NRIP1: variants seen among roughly 807,000 people sequenced by gnomAD.
NRIP1 encodes the protein nuclear receptor-interacting protein 1.
Under a neutral mutation model 75.0 loss-of-function variants are expected in NRIP1, and 28 were observed. That is an observed-to-expected ratio of 0.37 (90% CI 0.28 to 0.51). The LOEUF (loss-of-function observed/expected upper bound fraction) is 0.51, where lower values mean the gene tolerates loss of function less well. NRIP1 is among the 20% of genes least tolerant of loss of function. The pLI, the probability that NRIP1 is intolerant of heterozygous loss-of-function variation, is 0.92. For missense variants in NRIP1, 1,435 were observed against 1,343.7 expected, an observed-to-expected ratio of 1.07 and a Z score of -1.06; for synonymous variants, 526 against 487.6, an observed-to-expected ratio of 1.08 and a Z score of -1.04.
chr21:15,018,989 A>G (rs1293645575), intron 2 of NRIP1, among the ~76,000 whole-genome samples: 2 of 151,730 alleles, frequency 1.3e-5, no homozygotes, highest in Non-Finnish European at 2.9e-5. Flanking sequence ...CCTCTTCCCT[A>G]TGTGTAGTTT....
rs914617978 is a variant in NRIP1, at chr21:14,976,660, C to T, written c.-334-8134G>A. 1.1e-4 allele frequency among the ~76,000 whole-genome samples: 17 copies of T among 152,218 alleles called. 1 individual carries two copies. The South Asian group carries it at 3.1e-3, about 28-fold the overall frequency. ...TTAAACAAAGGGAAACTTTGTGGAA[C>T]TTCTACACACTTTAAAATGATAAAA... On this transcript the variant is annotated intron_variant, in intron 3 of 3. Coordinates refer to ENST00000318948, the MANE Select transcript of NRIP1 (RefSeq NM_003489.4).
intron 3 of NRIP1, among the ~76,000 whole-genome samples, chr21:14,973,799 C>T (rs1198397034): frequency 6.6e-6 from 1 of 151,396 alleles, no homozygotes; most frequent in Non-Finnish European, 1.5e-5. Flanking sequence ...ACCTCAGTCT[C>T]CCAAGCAGCC....
At position 14,966,944 on chromosome 21, in the gene NRIP1, A is replaced by T; in HGVS notation, c.1249T>A (p.Tyr417Asn). 6.2e-7 allele frequency: 1 copy of T among 1,614,158 alleles called. No individual in the cohort carries two copies. Among genetic ancestry groups the T allele is most frequent in the Non-Finnish European group, 8.5e-7 (1 of 1,180,016 alleles). ...GTAAAACTAGGATTGTTATCTGAAT[A>T]TTCATCAATAGTTGTAGGTGTACTA... ...ESSTPTTIDE[Y>N]SDNNPSFTDD... Residue 417 changes from tyrosine (Y) to asparagine (N), a missense_variant, in exon 4 of 4, where the codon TAT (tyrosine) becomes AAT (asparagine). Tyr to Asn is a moderately radical substitution (Grantham distance 143). Coordinates refer to ENST00000318948, the MANE Select transcript of NRIP1 (RefSeq NM_003489.4).
intron 3 of NRIP1, among the ~76,000 whole-genome samples, chr21:14,996,998 A>C (rs2087747050): frequency 3.3e-5 from 5 of 152,128 alleles, no homozygotes; most frequent in Middle Eastern, 3.4e-3. Flanking sequence ...CTTCACTTAA[A>C]CTCAAATCAA....
At chr21:15,058,223 T>C (rs1397637549) in intron 1 of NRIP1, among the ~76,000 whole-genome samples, 2 of 152,162 alleles carry the variant, frequency 1.3e-5, no homozygotes, top group Admixed American at 6.5e-5. Context: ...ATAACAGGAA[T>C]ACTATTTTTT....
chr21:15,022,732 GC>G (rs1432904825), intron 2 of NRIP1, among the ~76,000 whole-genome samples: 3 of 152,250 alleles, frequency 2.0e-5, no homozygotes, highest in Admixed American at 1.3e-4. Flanking sequence ...ATGCAGTGTA[GC>G]CACTAAGGGG....
At chr21:15,033,084 G>C (rs949877352) in intron 2 of NRIP1, among the ~76,000 whole-genome samples, 2 of 151,946 alleles carry the variant, frequency 1.3e-5, no homozygotes, top group Admixed American at 6.6e-5. Flanking sequence ...AATTAGCTGG[G>C]CATGGTGGTG....
At chr21:15,036,307 A>G (rs1208945137) in intron 2 of NRIP1, among the ~76,000 whole-genome samples, 1 of 152,214 alleles carries the variant, frequency 6.6e-6, no homozygotes, top group Non-Finnish European at 1.5e-5. Context: ...CCAATTGCAC[A>G]TCATATTTTG....
At chr21:15,008,680 A>G (rs1257852697) in intron 3 of NRIP1, among the ~76,000 whole-genome samples, 9 of 152,180 alleles carry the variant, frequency 5.9e-5, no homozygotes, top group Non-Finnish European at 1.0e-4. Context: ...CAAGGTTAAC[A>G]TTATTGGAAT....
At position 14,991,791 on chromosome 21, in the gene NRIP1, T is replaced by C. The variant is rs564200336; in HGVS notation, c.-335+22553A>G. On this transcript the variant is annotated intron_variant, in intron 3 of 3. Transcript: ENST00000318948. ...GAAATAAAAGGAAGCAAGGTCACTG[T>C]TCCATTCATTTTCCCCACAATATTA... is the stretch of plus-strand genomic sequence containing the variant. Among the ~76,000 whole-genome samples, 6 of 152,314 alleles carry C rather than the reference T, an allele frequency of 3.9e-5. No homozygotes were observed. The South Asian group carries it at 1.0e-3, about 26-fold the overall frequency.
intron 2 of NRIP1, among the ~76,000 whole-genome samples, chr21:15,021,854 G>T (rs1466557499): frequency 2.6e-5 from 4 of 152,150 alleles, no homozygotes; most frequent in African/African-American, 9.7e-5. Flanking sequence ...ACCATCTCAT[G>T]CCTGTCAGAA....
intron 2 of NRIP1, among the ~76,000 whole-genome samples, chr21:15,036,852 C>T (rs1021279004): frequency 6.6e-6 from 1 of 151,978 alleles, no homozygotes; most frequent in South Asian, 2.1e-4. Flanking sequence ...ATATACTTTA[C>T]CCCAATGTGA....
chr21:15,014,791 A>G (rs1018337652), intron 2 of NRIP1, among the ~76,000 whole-genome samples: 1 of 151,870 alleles, frequency 6.6e-6, no homozygotes. Flanking sequence ...TAATTTACAT[A>G]CAAAAAATTA....
chr21:15,009,208 GAA>G (rs2088044316), intron 3 of NRIP1, among the ~76,000 whole-genome samples: 1 of 152,126 alleles, frequency 6.6e-6, no homozygotes, highest in Admixed American at 6.5e-5. Context: ...AGAAAAGAAA[GAA>G]CTTTCTAAAA....
At chr21:15,053,168 T>G (rs546111662) in intron 1 of NRIP1, among the ~76,000 whole-genome samples, 4 of 152,288 alleles carry the variant, frequency 2.6e-5, no homozygotes, top group African/African-American at 7.2e-5. Flanking sequence ...TTTAGAGTAC[T>G]GCCAAAACAA....
intron 3 of NRIP1, among the ~76,000 whole-genome samples, chr21:14,980,758 A>G (rs1351464640): frequency 6.6e-6 from 1 of 152,090 alleles, no homozygotes; most frequent in African/African-American, 2.4e-5. Flanking sequence ...CAAACTACTT[A>G]TGCTATATGT....
intron 3 of NRIP1, among the ~76,000 whole-genome samples, chr21:14,981,299 T>C (rs1198118991): frequency 6.6e-6 from 1 of 152,262 alleles, no homozygotes; most frequent in Non-Finnish European, 1.5e-5. Context: ...CTGCGGTGCG[T>C]GCTTTACCCT....
intron 3 of NRIP1, among the ~76,000 whole-genome samples, chr21:14,970,500 C>T (rs563767012): frequency 2.0e-5 from 3 of 152,140 alleles, no homozygotes; most frequent in Non-Finnish European, 2.9e-5. Flanking sequence ...GAGCCGAGAT[C>T]GTGCCACTGC....
chr21:15,064,389 G>A (rs1190448867), intron 1 of NRIP1, among the ~76,000 whole-genome samples: 4 of 152,196 alleles, frequency 2.6e-5, no homozygotes, highest in Non-Finnish European at 5.9e-5. Context: ...GGTGCCCGGG[G>A]TTCGGGACCG....
Sources: gnomAD v4.1 joint callset for allele counts (sites outside exome capture counted in the v4.1 genomes callset) on GRCh38, gnomAD v4.1.1 for gene constraint, MANE v1.5 for transcripts, NCBI Gene and HGNC (gene_info 2026-07-23, HGNC 2026-07-21) for gene names.